Variants in ZNF469 observed in about 807,000 individuals in gnomAD.
ZNF469 encodes the protein zinc finger protein 469.
Under a neutral mutation model 1.0 loss-of-function variants are expected in ZNF469, and 1 was observed. The ratio of observed to expected loss-of-function variants is 1.00; its 90% CI spans 0.35 to 4.73. The LOEUF is 4.73. ZNF469 is among the 30% of genes most tolerant of loss of function. The pLI is 0.16. For missense variants in ZNF469, 6,100 were observed against 5,356.3 expected (o/e 1.14, Z -4.33); for synonymous variants, 2,703 against 2,363.4 (o/e 1.14, Z -4.17).
At position 88,429,728 on chromosome 16, in the gene ZNF469, G is replaced by T; in HGVS notation, c.2258G>T (p.Cys753Phe). The T allele has an allele frequency of 6.5e-7, 1 of 1,544,602 alleles. No homozygotes were observed. The highest frequency in any genetic ancestry group is 8.7e-7 in the Non-Finnish European group (1 of 1,144,234). ...GCCTTCCTGGCCCACCGGCAGTTCT[G>T]TGGCCTGCTCCTGGCCAGGGCCAAG... ...LAAFLAHRQF[C>F]GLLLARAKDG... Residue 753 changes from cysteine (C) to phenylalanine (F), a missense_variant, in exon 3 of 3, where the codon TGT (cysteine) becomes TTT (phenylalanine). Transcript: ENST00000565624.
the ZNF469 span, among the ~76,000 whole-genome samples, chr16:88,192,706 G>GTGATAATGGTGATGATGGTGT: frequency 3.3e-5 from 5 of 150,792 alleles, no homozygotes; most frequent in African/African-American, 1.2e-4. Context: ...GGTGATAAAG[G>GTGATAATGGTGATGATGGTGT]TGATAATGGT....
At chr16:88,121,743 C>T in the ZNF469 span, among the ~76,000 whole-genome samples, 351 of 152,318 alleles carry the variant, frequency 2.3e-3, no homozygotes, top group Non-Finnish European at 3.8e-3. Context: ...GGTTGCAGGC[C>T]GCACTGCAGA....
the ZNF469 span, among the ~76,000 whole-genome samples, chr16:88,298,315 T>C: frequency 3.3e-5 from 5 of 152,164 alleles, no homozygotes; most frequent in South Asian, 1.0e-3. Flanking sequence ...GCGTGTTTGC[T>C]GGGGGCTCCT....
Position 88,432,944 on chromosome 16 carries a change from C to T in ZNF469, c.5474C>T (p.Ala1825Val). The change falls in exon 3 of 3, where the codon GCC becomes GTC. Residue 1825 changes from alanine (A) to valine (V), a missense_variant. By Grantham distance (64) the Ala-to-Val change is moderately conservative. Coordinates refer to ENST00000565624, the MANE Select transcript of ZNF469 (RefSeq NM_001367624.2). ...PPLDATWPFG[A>V]SPSHAAQGHS... ...CTGGATGCCACCTGGCCTTTTGGTG[C>T]CAGTCCCAGCCATGCTGCCCAGGGA... 1 of 1,550,400 alleles carries T rather than the reference C, an allele frequency of 6.4e-7. No homozygotes were observed. Among genetic ancestry groups the T allele is most frequent in the Non-Finnish European group, 8.7e-7 (1 of 1,146,980 alleles).
intron 1 of ZNF469, among the ~76,000 whole-genome samples, chr16:88,398,074 C>T (rs921088588): frequency 6.6e-6 from 1 of 152,222 alleles, no homozygotes; most frequent in Non-Finnish European, 1.5e-5. Flanking sequence ...AAAACAAAGC[C>T]CCAGAAAGTG....
the ZNF469 span, among the ~76,000 whole-genome samples, chr16:88,127,969 C>T: frequency 5.3e-5 from 8 of 152,218 alleles, no homozygotes; most frequent in Admixed American, 1.3e-4. Context: ...CACACAGGCA[C>T]GAGGCTTGCC....
chr16:88,282,475 G>A, the ZNF469 span, among the ~76,000 whole-genome samples: 1 of 152,120 alleles, frequency 6.6e-6, no homozygotes, highest in Non-Finnish European at 1.5e-5. Flanking sequence ...CCTGGGCCCT[G>A]GCCTTTTGAC....
the ZNF469 span, among the ~76,000 whole-genome samples, chr16:88,355,018 T>G: frequency 6.6e-6 from 1 of 151,552 alleles, no homozygotes; most frequent in Non-Finnish European, 1.5e-5. Context: ...AGCACAGCAC[T>G]GTCCCACCTG....
the ZNF469 span, among the ~76,000 whole-genome samples, chr16:88,147,496 AG>A: frequency 2.6e-5 from 4 of 151,868 alleles, no homozygotes; most frequent in African/African-American, 9.7e-5. Context: ...CCCAGCCCCC[AG>A]GGGTGTGGGT....
the ZNF469 span, among the ~76,000 whole-genome samples, chr16:88,106,445 C>A: frequency 1.3e-5 from 2 of 151,616 alleles, no homozygotes; most frequent in South Asian, 2.1e-4. Context: ...TTTGGTGTCA[C>A]CTTATTTATT....
the ZNF469 span, among the ~76,000 whole-genome samples, chr16:88,270,532 T>G: frequency 3.9e-5 from 6 of 152,212 alleles, no homozygotes; most frequent in Non-Finnish European, 7.3e-5. Flanking sequence ...GGCATTTGTG[T>G]GCATGCTTCT....
At chr16:88,247,585 T>G in the ZNF469 span, among the ~76,000 whole-genome samples, 1 of 144,486 alleles carries the variant, frequency 6.9e-6, no homozygotes, top group African/African-American at 2.6e-5. Context: ...AGTGAGTGAA[T>G]GACTGAGTGA....
At chr16:88,320,384 C>A in the ZNF469 span, among the ~76,000 whole-genome samples, 1 of 152,108 alleles carries the variant, frequency 6.6e-6, no homozygotes, top group Non-Finnish European at 1.5e-5. Flanking sequence ...ATTCTTTATT[C>A]TTTTTTCTTT....
chr16:88,116,307 C>T, the ZNF469 span, among the ~76,000 whole-genome samples: 2 of 152,168 alleles, frequency 1.3e-5, no homozygotes, highest in East Asian at 3.9e-4. Context: ...CAGCACAGAA[C>T]CGGTGATGTT....
the ZNF469 span, among the ~76,000 whole-genome samples, chr16:88,196,471 G>A: frequency 4.6e-5 from 7 of 152,196 alleles, no homozygotes; most frequent in Non-Finnish European, 7.3e-5. Flanking sequence ...CATGTCCAAC[G>A]TTCAGAATGA....
At chr16:88,323,362 C>T in the ZNF469 span, among the ~76,000 whole-genome samples, 1 of 152,362 alleles carries the variant, frequency 6.6e-6, no homozygotes, top group African/African-American at 2.4e-5. Context: ...GGGCCACATA[C>T]AGCTGCCAAG....
chr16:88,412,307 C>T (rs1384965530), intron 1 of ZNF469, among the ~76,000 whole-genome samples: 1 of 152,244 alleles, frequency 6.6e-6, no homozygotes, highest in Non-Finnish European at 1.5e-5. Context: ...CTTCCCAGTG[C>T]CCTCTCCACA....
chr16:88,188,756 G>A, the ZNF469 span, among the ~76,000 whole-genome samples: 1 of 152,182 alleles, frequency 6.6e-6, no homozygotes, highest in Non-Finnish European at 1.5e-5. Context: ...CATTAGAAAT[G>A]CAGACCCTCC....
At chr16:88,354,537 C>T in the ZNF469 span, among the ~76,000 whole-genome samples, 1 of 152,180 alleles carries the variant, frequency 6.6e-6, no homozygotes, top group African/African-American at 2.4e-5. Flanking sequence ...CCCGGTTTCC[C>T]AGCCTGTCCA....
Sources: gnomAD v4.1 joint callset for allele counts (sites outside exome capture counted in the v4.1 genomes callset) on GRCh38, gnomAD v4.1.1 for gene constraint, MANE v1.5 for transcripts, NCBI Gene and HGNC (gene_info 2026-07-23, HGNC 2026-07-21) for gene names.